The following HMGN5 variants were observed in gnomAD, a reference collection of about 807,000 sequenced individuals.
HMGN5 encodes the protein high mobility group nucleosome binding domain 5.
HMGN5 carries 4 observed loss-of-function variants against 9.5 expected under a neutral mutation model. That is an observed-to-expected ratio of 0.42 (90% confidence interval 0.21 to 0.96). The LOEUF (loss-of-function observed/expected upper bound fraction) is 0.96. HMGN5 is among the 40% of genes least tolerant of loss of function. The pLI is 0.30. For synonymous variants in HMGN5, 55 were observed against 57.1 expected, an observed-to-expected ratio of 0.96 and a Z score of 0.16; for missense variants, 192 against 187.5, an observed-to-expected ratio of 1.02 and a Z score of -0.14.
chrX:81,155,100 T>C (rs867970844), intron 1 of HMGN5, among the ~76,000 whole-genome samples: 1 of 94,238 alleles, frequency 1.1e-5, no homozygotes, highest in Non-Finnish European at 2.1e-5. Context: ...TATATATATA[T>C]ATACACACAC....
chrX:81,119,708 C>A (rs1263773527), intron 3 of HMGN5, 80 bp downstream of exon 3: 9 of 797,610 alleles, frequency 1.1e-5, no homozygotes, highest in South Asian at 6.5e-5. Flanking sequence ...TACCAACCAG[C>A]ATCTATTTTT....
At chrX:81,197,094 A>C (rs1228894831) in intron 1 of HMGN5, among the ~76,000 whole-genome samples, 2 of 112,355 alleles carry the variant, frequency 1.8e-5, no homozygotes, top group African/African-American at 6.5e-5. Context: ...TCAAACATAA[A>C]AATGCAAATG....
intron 1 of HMGN5, among the ~76,000 whole-genome samples, chrX:81,180,112 C>T (rs2075457447): frequency 9.0e-6 from 1 of 111,548 alleles, no homozygotes; most frequent in South Asian, 3.8e-4. Context: ...AGAAGAAAAC[C>T]TAGGCATTAC....
At chrX:81,175,450 A>G (rs1334796366) in intron 1 of HMGN5, among the ~76,000 whole-genome samples, 1 of 111,054 alleles carries the variant, frequency 9.0e-6, no homozygotes, top group Non-Finnish European at 1.9e-5. Flanking sequence ...AATTTTCTTT[A>G]TTTGTAGAGT....
At chrX:81,197,226 C>A (rs1485517302) in intron 1 of HMGN5, among the ~76,000 whole-genome samples, 1 of 112,227 alleles carries the variant, frequency 8.9e-6, no homozygotes, top group East Asian at 2.8e-4. Context: ...ACAGTGATTT[C>A]TCTGCAGAAA....
chrX:81,179,930 C>A (rs2075456370), intron 1 of HMGN5, among the ~76,000 whole-genome samples: 1 of 111,432 alleles, frequency 9.0e-6, no homozygotes, highest in Non-Finnish European at 1.9e-5. Flanking sequence ...TTTGACAAAC[C>A]TGACAAAAAC....
intron 5 of HMGN5, 46 bp from the exon 6 acceptor site, chrX:81,116,387 G>A: frequency 2.2e-6 from 2 of 919,211 alleles, no homozygotes; most frequent in East Asian, 3.2e-5. Flanking sequence ...CAATTTAACT[G>A]CTGTGTTGAT....
intron 1 of HMGN5, chrX:81,194,969 G>A (rs975484096): frequency 1.8e-5 from 2 of 112,114 alleles, no homozygotes; most frequent in Non-Finnish European, 3.8e-5. Flanking sequence ...GTGTTCATAA[G>A]TAATTTCTGG....
intron 1 of HMGN5, among the ~76,000 whole-genome samples, chrX:81,131,934 G>T (rs2075298556): frequency 9.0e-6 from 1 of 111,430 alleles, no homozygotes; most frequent in Admixed American, 9.6e-5. Context: ...ATCCTTGTTT[G>T]CAGGTGACAT....
intron 1 of HMGN5, among the ~76,000 whole-genome samples, chrX:81,141,685 C>T (rs2075330528): frequency 9.0e-6 from 1 of 111,563 alleles, no homozygotes; most frequent in South Asian, 3.8e-4. Flanking sequence ...TGGAACACAG[C>T]ACCCAAGTAC....
intron 1 of HMGN5, among the ~76,000 whole-genome samples, chrX:81,146,365 A>G (rs747809870): frequency 3.6e-5 from 4 of 111,829 alleles, no homozygotes; most frequent in Non-Finnish European, 5.6e-5. Flanking sequence ...GCACAACTAC[A>G]TGGAAACGGA....
chrX:81,193,729 G>A (rs185067953), intron 1 of HMGN5, among the ~76,000 whole-genome samples: 1 of 112,176 alleles, frequency 8.9e-6, no homozygotes, highest in Admixed American at 9.5e-5. Context: ...AGAATATACA[G>A]ATAAACTATT....
intron 1 of HMGN5, among the ~76,000 whole-genome samples, chrX:81,172,510 ATTG>A (rs1336373267): frequency 2.8e-5 from 3 of 108,935 alleles, no homozygotes; most frequent in African/African-American, 6.6e-5. Flanking sequence ...ATGTAAAGAG[ATTG>A]TTGTTATGTA....
intron 1 of HMGN5, among the ~76,000 whole-genome samples, chrX:81,171,268 A>C (rs760381754): frequency 5.6e-4 from 63 of 112,226 alleles, no homozygotes; most frequent in Admixed American, 4.9e-3. Context: ...CTTTTATCAC[A>C]GAAAAACATG....
chrX:81,160,102 T>C (rs1400662330), intron 1 of HMGN5, among the ~76,000 whole-genome samples: 3 of 111,897 alleles, frequency 2.7e-5, no homozygotes, highest in African/African-American at 9.7e-5. Flanking sequence ...AGACAGCCCA[T>C]TCAGAATTGT....
intron 1 of HMGN5, among the ~76,000 whole-genome samples, chrX:81,151,511 G>A (rs2147562280): frequency 9.1e-6 from 1 of 109,313 alleles, no homozygotes; most frequent in South Asian, 3.9e-4. Context: ...TGATGGGGAT[G>A]GCATTGAATC....
At chrX:81,169,098 CT>C (rs2075418554) in intron 1 of HMGN5, among the ~76,000 whole-genome samples, 1 of 111,518 alleles carries the variant, frequency 9.0e-6, no homozygotes, top group Non-Finnish European at 1.9e-5. Flanking sequence ...GCCTGTGTCT[CT>C]AAGGTAAGAG....
At chrX:81,189,339 G>T (rs1466705677) in intron 1 of HMGN5, among the ~76,000 whole-genome samples, 1 of 110,669 alleles carries the variant, frequency 9.0e-6, no homozygotes, top group Non-Finnish European at 1.9e-5. Context: ...TGTCTCCTCT[G>T]GCTGTGTGTT....
chrX:81,178,165 AAGAG>A, intron 1 of HMGN5, among the ~76,000 whole-genome samples: 2 of 111,650 alleles, frequency 1.8e-5, no homozygotes, highest in Non-Finnish European at 3.8e-5. Context: ...CTAGAGAAAC[AAGAG>A]CAAACACATT....
Sources: gnomAD v4.1 joint callset for allele counts (sites outside exome capture counted in the v4.1 genomes callset) on GRCh38, gnomAD v4.1.1 for gene constraint, MANE v1.5 for transcripts, NCBI Gene and HGNC (gene_info 2026-07-23, HGNC 2026-07-21) for gene names.